The following UHRF1 variants were observed in gnomAD, a reference collection of about 807,000 sequenced individuals.
UHRF1 encodes the protein E3 ubiquitin-protein ligase UHRF1.
Under a neutral mutation model 96.5 loss-of-function variants are expected in UHRF1, and 9 were observed. The observed-to-expected ratio is 0.09, with a 90% CI of 0.06 to 0.16. UHRF1 has a LOEUF of 0.16. UHRF1 is among the 10% of genes least tolerant of loss of function. The pLI is 1.00. For synonymous variants in UHRF1, 455 were observed against 469.9 expected, an observed-to-expected ratio of 0.97 and a Z score of 0.41; for missense variants, 626 against 1,131.1, an observed-to-expected ratio of 0.55 and a Z score of 6.40.
Position 4,918,227 on chromosome 19 carries a change from C to A in UHRF1, c.153+7189C>A, listed in dbSNP as rs373139905. 8.5e-4 allele frequency among the ~76,000 whole-genome samples: 130 copies of A among 152,062 alleles called. 2 individuals are homozygous for A. The South Asian group carries it at 0.026, about 30-fold the overall frequency. On this transcript the variant is annotated intron_variant, in intron 2 of 16. Coordinates refer to ENST00000650932, the MANE Select transcript of UHRF1 (RefSeq NM_001048201.3). ...CTCCACCTCCCAGGTTCAAGTGATT[C>A]TCCTGCCTCAGCCTCCCAAGTAGCT...
chr19:4,957,301 T>G (rs1480599615), intron 16 of UHRF1, among the ~76,000 whole-genome samples: 1 of 100,248 alleles, frequency 1.0e-5, no homozygotes, highest in East Asian at 2.3e-4. Flanking sequence ...CTGATGGTTT[T>G]TTTTTTTTTT....
intron 5 of UHRF1, among the ~76,000 whole-genome samples, chr19:4,936,039 C>T (rs768816491): frequency 3.9e-4 from 60 of 152,278 alleles, no homozygotes; most frequent in Non-Finnish European, 7.8e-4. Context: ...CCTGGCCGAC[C>T]ACACCTTGGG....
chr19:4,913,252 CTTT>C (rs4022195), intron 2 of UHRF1, among the ~76,000 whole-genome samples: 7 of 111,188 alleles, frequency 6.3e-5, no homozygotes, highest in African/African-American at 1.1e-4. Flanking sequence ...GTACATTGTG[CTTT>C]TTTTTTTTTT....
At chr19:4,938,108 C>T (rs1219268694) in intron 5 of UHRF1, among the ~76,000 whole-genome samples, 1 of 151,182 alleles carries the variant, frequency 6.6e-6, no homozygotes, top group Non-Finnish European at 1.5e-5. Context: ...GAGCTATGAT[C>T]ATGCCATTGC....
chr19:4,950,985 C>T lies in UHRF1; in HGVS notation c.1807C>T (p.Leu603=), dbSNP rs2033702422. The change falls in exon 13 of 17, where the codon CTG becomes TTG. Residue 603 remains leucine, a synonymous_variant. Transcript: ENST00000650932. ...GAAGGACCGGATCAAGAAGCTGGGG[C>T]TGACCATGCAGGTGTGTCTGGGATG... ...EGKDRIKKLG[L]TMQYPEGYLE... is the part of the protein sequence containing the mutation. The T allele has an allele frequency of 6.2e-7, 1 of 1,609,246 alleles. No homozygotes were observed. The highest frequency in any genetic ancestry group is 8.5e-7 in the Non-Finnish European group (1 of 1,178,620).
At chr19:4,911,582 G>C (rs2032277235) in intron 2 of UHRF1, among the ~76,000 whole-genome samples, 1 of 152,180 alleles carries the variant, frequency 6.6e-6, no homozygotes, top group African/African-American at 2.4e-5. Flanking sequence ...CTGTGCTGCG[G>C]CTGCTGCTGA....
chr19:4,934,023 AC>A (rs2033143651), intron 5 of UHRF1, among the ~76,000 whole-genome samples: 6 of 135,490 alleles, frequency 4.4e-5, no homozygotes, highest in Admixed American at 4.4e-4. Context: ...CAGAAAATTT[AC>A]CTTTTTTTTT....
chr19:4,907,045 G>A (rs1013492963), upstream of UHRF1, among the ~76,000 whole-genome samples: 2 of 152,214 alleles, frequency 1.3e-5, no homozygotes, highest in African/African-American at 2.4e-5. Flanking sequence ...GGACATCGTG[G>A]ATTAGAATGC....
chr19:4,947,632 C>T (rs940510565), intron 11 of UHRF1, among the ~76,000 whole-genome samples: 3 of 150,546 alleles, frequency 2.0e-5, no homozygotes, highest in Non-Finnish European at 4.4e-5. Context: ...TCCTGAGTAG[C>T]TGGGATTACA....
chr19:4,907,801 CTCCTGGGTTCAAGCGAT>C (rs564679037), upstream of UHRF1, among the ~76,000 whole-genome samples: 1 of 148,562 alleles, frequency 6.7e-6, no homozygotes, highest in Non-Finnish European at 1.5e-5. Flanking sequence ...CAACCTCTGC[CTCCTGGGTTCAAGCGAT>C]TCTCCTGCCT....
intron 5 of UHRF1, among the ~76,000 whole-genome samples, chr19:4,939,973 G>A (rs556249024): frequency 6.2e-4 from 92 of 149,032 alleles, no homozygotes; most frequent in South Asian, 2.8e-3. Context: ...GCAGTGAGCC[G>A]AGATCGTGCC....
intron 15 of UHRF1, among the ~76,000 whole-genome samples, chr19:4,955,763 CGTGTACTCAGTATGCATT>C (rs1175394438): frequency 4.0e-5 from 6 of 151,864 alleles, no homozygotes; most frequent in Admixed American, 2.6e-4. Flanking sequence ...CCTGGTGGCC[CGTGTACTCAGTATGCATT>C]GTGTCAGTGG....
intron 2 of UHRF1, among the ~76,000 whole-genome samples, chr19:4,928,002 C>T (rs2032927749): frequency 1.3e-5 from 2 of 152,218 alleles, no homozygotes; most frequent in South Asian, 2.1e-4. Context: ...TTAATGCGTG[C>T]AGCCTCCTGG....
intron 3 of UHRF1, 115 bp downstream of exon 3, chr19:4,929,591 G>A: frequency 2.1e-6 from 3 of 1,417,144 alleles, no homozygotes; most frequent in Non-Finnish European, 2.8e-6. Context: ...GCTCTGGCTG[G>A]GCAGAAATGG....
chr19:4,904,609 G>A (rs1381834771), upstream of UHRF1, among the ~76,000 whole-genome samples: 2 of 152,250 alleles, frequency 1.3e-5, no homozygotes, highest in Admixed American at 6.5e-5. Context: ...GAGCTACCAC[G>A]CCTGGCTGAC....
chr19:4,916,942 A>C lies in UHRF1; in HGVS notation c.153+5904A>C, dbSNP rs554000171. ...TCCTAAACTTCTGGTTTCTATCCCT[A>C]AAGTTGGAGAACCACTGCTCCCCAA... On this transcript the variant is annotated intron_variant, in intron 2 of 16. Transcript: ENST00000650932. Among the ~76,000 whole-genome samples the C allele has an allele frequency of 3.9e-5, 6 of 152,072 alleles. No individual in the cohort carries two copies. In the South Asian group the frequency reaches 6.2e-4, roughly 16 times the overall value.
At chr19:4,915,489 G>A (rs537381794) in intron 2 of UHRF1, among the ~76,000 whole-genome samples, 4 of 152,276 alleles carry the variant, frequency 2.6e-5, no homozygotes, top group East Asian at 3.9e-4. Context: ...CAAGGCAGGC[G>A]GATCACCTGA....
intron 11 of UHRF1, among the ~76,000 whole-genome samples, chr19:4,948,310 A>G (rs1490940401): frequency 6.6e-6 from 1 of 152,078 alleles, no homozygotes; most frequent in Non-Finnish European, 1.5e-5. Flanking sequence ...TGATTACAGG[A>G]TGGGGGCGGA....
intron 2 of UHRF1, among the ~76,000 whole-genome samples, chr19:4,921,750 C>A (rs1009580650): frequency 7.2e-5 from 11 of 152,028 alleles, no homozygotes; most frequent in African/African-American, 2.7e-4. Context: ...GGGAGGGAGA[C>A]CCTGTTTTAA....
Sources: gnomAD v4.1 joint callset for allele counts (sites outside exome capture counted in the v4.1 genomes callset) on GRCh38, gnomAD v4.1.1 for gene constraint, MANE v1.5 for transcripts, NCBI Gene and HGNC (gene_info 2026-07-23, HGNC 2026-07-21) for gene names.